The following EPHB1 variants were observed in gnomAD, a reference collection of about 807,000 sequenced individuals.
EPHB1 encodes ephrin type-B receptor 1.
EPHB1 carries 30 observed loss-of-function variants against 94.4 expected under a neutral mutation model. That is an observed-to-expected ratio of 0.32 (90% CI 0.24 to 0.43). The LOEUF (loss-of-function observed/expected upper bound fraction) is 0.43, where lower values mean the gene tolerates loss of function less well. Ranked by LOEUF, EPHB1 falls within the 20% of genes least tolerant of loss-of-function variation. EPHB1 has a pLI of 1.00. For missense variants in EPHB1, 1,055 were observed against 1,308.3 expected (o/e 0.81, Z 2.99); for synonymous variants, 522 against 489.1 (o/e 1.07, Z -0.89).
intron 1 of EPHB1, among the ~76,000 whole-genome samples, chr3:134,813,174 C>T (rs550908340): frequency 1.4e-4 from 21 of 152,188 alleles, no homozygotes; most frequent in Non-Finnish European, 2.6e-4. Flanking sequence ...GCCAGGACCT[C>T]AGAAAGTGGG....
At chr3:135,227,357 A>G (rs1228047985) in intron 12 of EPHB1, among the ~76,000 whole-genome samples, 1 of 152,222 alleles carries the variant, frequency 6.6e-6, no homozygotes, top group Non-Finnish European at 1.5e-5. Flanking sequence ...CCAAATTCCC[A>G]GAAATTACTA....
At chr3:134,849,814 C>A (rs1012679755) in intron 1 of EPHB1, among the ~76,000 whole-genome samples, 11 of 152,182 alleles carry the variant, frequency 7.2e-5, no homozygotes, top group African/African-American at 2.7e-4. Context: ...GGGTCTGTTA[C>A]CCCGTTCTTA....
chr3:134,970,775 C>G (rs989440582), intron 3 of EPHB1, among the ~76,000 whole-genome samples: 1 of 152,188 alleles, frequency 6.6e-6, no homozygotes, highest in Non-Finnish European at 1.5e-5. Context: ...GAGCTGGACT[C>G]TGTCTCACAC....
rs984383374 is a variant in EPHB1 at position 134,958,314 on chromosome 3, G to A, written c.805+6262G>A. Among the ~76,000 whole-genome samples the A allele has an allele frequency of 7.9e-5, 12 of 152,206 alleles. 1 individual carries two copies. In the South Asian group the frequency reaches 2.5e-3, roughly 32 times the overall value. On this transcript the variant is annotated intron_variant, in intron 3 of 15. Transcript: ENST00000398015. ...TCTTCTTGGAAAAAGAGGTTTTCGG[G>A]GCCTGCTTCCATCTCCCTTAGGGTT...
At chr3:134,871,004 C>T (rs2037487639) in intron 1 of EPHB1, among the ~76,000 whole-genome samples, 1 of 152,126 alleles carries the variant, frequency 6.6e-6, no homozygotes, top group African/African-American at 2.4e-5. Context: ...CTTGGGTGCC[C>T]CTTAGGCCCC....
chr3:135,154,145 TC>T lies in EPHB1; in HGVS notation c.1298-5del. On this transcript the variant is annotated splice_region_variant and splice_polypyrimidine_tract_variant and intron_variant, in intron 5 of 15. Coordinates refer to ENST00000398015, the MANE Select transcript of EPHB1 (RefSeq NM_004441.5). ...TTCAGCTACCCTGTTTCTTTCTCTC[TC>T]CACAGCCCCCTCCACCGTTCCCATC... 1.2e-6 allele frequency: 2 copies of T among 1,613,866 alleles called. No individual in the cohort carries two copies. The highest frequency in any genetic ancestry group is 1.7e-6 in the Non-Finnish European group (2 of 1,179,822).
chr3:134,864,347 C>T (rs1256281501), intron 1 of EPHB1, among the ~76,000 whole-genome samples: 1 of 152,190 alleles, frequency 6.6e-6, no homozygotes, highest in Non-Finnish European at 1.5e-5. Flanking sequence ...AAGGGGCTAG[C>T]CTGTTTTCTT....
chr3:135,179,418 G>A (rs113445317), intron 9 of EPHB1, among the ~76,000 whole-genome samples: 2,422 of 152,156 alleles, frequency 0.016, 26 homozygotes, highest in Middle Eastern at 0.034. Flanking sequence ...CACCACAGCC[G>A]TCAGTTATAA....
At chr3:134,902,472 T>C (rs909527079) in intron 1 of EPHB1, among the ~76,000 whole-genome samples, 1 of 152,220 alleles carries the variant, frequency 6.6e-6, no homozygotes, top group Non-Finnish European at 1.5e-5. Flanking sequence ...CATGTGCTAC[T>C]GTGCTAATGC....
intron 3 of EPHB1, among the ~76,000 whole-genome samples, chr3:135,005,054 T>G (rs1375362443): frequency 1.3e-5 from 2 of 152,214 alleles, no homozygotes; most frequent in Non-Finnish European, 2.9e-5. Context: ...AGAGTTTCCA[T>G]TTTTTCTGTT....
intron 3 of EPHB1, among the ~76,000 whole-genome samples, chr3:135,058,412 G>A (rs1199994654): frequency 1.3e-5 from 2 of 152,160 alleles, no homozygotes; most frequent in East Asian, 3.9e-4. Context: ...TGGGGAGGAG[G>A]AGGGCCAGGC....
At chr3:135,069,434 A>G (rs1308797392) in intron 3 of EPHB1, among the ~76,000 whole-genome samples, 1 of 152,104 alleles carries the variant, frequency 6.6e-6, no homozygotes, top group Non-Finnish European at 1.5e-5. Flanking sequence ...ACAGTTTGGA[A>G]CAAGACTTAC....
chr3:134,859,424 C>T (rs527743849), intron 1 of EPHB1, among the ~76,000 whole-genome samples: 1 of 152,304 alleles, frequency 6.6e-6, no homozygotes, highest in South Asian at 2.1e-4. Context: ...TTGTTCAAGG[C>T]CATTCTGGCC....
chr3:134,799,569 T>C (rs1008771473), intron 1 of EPHB1, among the ~76,000 whole-genome samples: 7 of 152,216 alleles, frequency 4.6e-5, no homozygotes, highest in African/African-American at 1.7e-4. Context: ...CTTGGCAATG[T>C]AAACAACTGC....
intron 12 of EPHB1, among the ~76,000 whole-genome samples, chr3:135,238,951 T>C (rs1943715860): frequency 6.6e-6 from 1 of 152,230 alleles, no homozygotes; most frequent in Admixed American, 6.5e-5. Context: ...TGGTAGCTGC[T>C]GCTTCACTGG....
chr3:135,194,767 A>G (rs1196918014), intron 11 of EPHB1, among the ~76,000 whole-genome samples: 1 of 152,128 alleles, frequency 6.6e-6, no homozygotes, highest in Non-Finnish European at 1.5e-5. Flanking sequence ...GAGCCCATGT[A>G]CTTTCCCTAG....
chr3:135,242,465 T>C (rs1470178411), intron 13 of EPHB1, among the ~76,000 whole-genome samples: 1 of 152,104 alleles, frequency 6.6e-6, no homozygotes, highest in East Asian at 1.9e-4. Flanking sequence ...GCTCGGAAGA[T>C]TGAGAAAGGT....
chr3:134,970,773 C>T (rs899509633), intron 3 of EPHB1, among the ~76,000 whole-genome samples: 1 of 152,178 alleles, frequency 6.6e-6, no homozygotes, highest in African/African-American at 2.4e-5. Flanking sequence ...GCGAGCTGGA[C>T]TCTGTCTCAC....
chr3:135,225,858 CA>C lies in EPHB1; in HGVS notation c.2347-15287del, dbSNP rs567908911. On this transcript the variant is annotated intron_variant, in intron 12 of 15. Coordinates refer to ENST00000398015, the MANE Select transcript of EPHB1 (RefSeq NM_004441.5). ...GGCCCAAGCAGGACAGGCAGGGAAG[CA>C]AAGACCAGGGTTCTAGACCCACCAG... is the stretch of plus-strand genomic sequence containing the variant. Among the ~76,000 whole-genome samples, 117 of 152,068 alleles carry C rather than the reference CA, an allele frequency of 7.7e-4. 1 individual carries two copies. The South Asian group carries it at 0.023, about 30-fold the overall frequency.
Sources: gnomAD v4.1 joint callset for allele counts (sites outside exome capture counted in the v4.1 genomes callset) on GRCh38, gnomAD v4.1.1 for gene constraint, MANE v1.5 for transcripts, NCBI Gene and HGNC (gene_info 2026-07-23, HGNC 2026-07-21) for gene names.